Variants in ATP8A2 observed in about 807,000 individuals in gnomAD.
ATP8A2 encodes phospholipid-transporting ATPase IB.
A neutral mutation model predicts 165.6 loss-of-function variants in ATP8A2; 100 were observed. The observed-to-expected ratio is 0.60, with a 90% CI of 0.51 to 0.71. The LOEUF is 0.71. Ranked by LOEUF, ATP8A2 falls within the 30% of genes least tolerant of loss-of-function variation. ATP8A2 has a pLI of 0.00. For synonymous variants in ATP8A2, 543 were observed against 548.8 expected (o/e 0.99, Z 0.15); for missense variants, 1,227 against 1,479.5 (o/e 0.83, Z 2.80).
intron 36 of ATP8A2, among the ~76,000 whole-genome samples, chr13:26,013,767 T>C (rs1024259243): frequency 1.3e-5 from 2 of 152,214 alleles, no homozygotes; most frequent in African/African-American, 4.8e-5. Flanking sequence ...ATCTGTGTTC[T>C]GTTGAGCTCT....
At chr13:25,578,552 C>T (rs1308876308) in intron 20 of ATP8A2, among the ~76,000 whole-genome samples, 2 of 152,166 alleles carry the variant, frequency 1.3e-5, no homozygotes, top group African/African-American at 4.8e-5. Flanking sequence ...CCCATGTATT[C>T]CAATGATTCT....
At chr13:25,402,258 T>C (rs147580388) in intron 1 of ATP8A2, among the ~76,000 whole-genome samples, 79 of 152,286 alleles carry the variant, frequency 5.2e-4, no homozygotes, top group African/African-American at 1.4e-3. Context: ...TGTTTATTTC[T>C]GGAATTTTTC....
rs144652137 is a variant in ATP8A2 at position 25,965,043 on chromosome 13, C to T, written c.3272+3380C>T. Among the ~76,000 whole-genome samples the T allele has an allele frequency of 5.3e-5, 8 of 152,258 alleles. No individual in the cohort carries two copies. The East Asian group carries it at 1.5e-3, about 29-fold the overall frequency. ...GCATGATGGCGAGTGCCTGTAATCC[C>T]AGCTACTCAGGAGGCTGAGGTGGGA... On this transcript the variant is annotated intron_variant, in intron 34 of 36. Transcript: ENST00000381655.
At chr13:25,580,773 G>C (rs2039753716) in intron 22 of ATP8A2, among the ~76,000 whole-genome samples, 1 of 152,130 alleles carries the variant, frequency 6.6e-6, no homozygotes, top group Non-Finnish European at 1.5e-5. Flanking sequence ...GGCTCAAGCA[G>C]TCCTCATGCC....
chr13:25,531,333 T>C (rs1210158750), intron 4 of ATP8A2, among the ~76,000 whole-genome samples: 1 of 139,082 alleles, frequency 7.2e-6, no homozygotes, highest in Non-Finnish European at 1.5e-5. Context: ...ATGATATATA[T>C]ATGTTATATA....
At position 26,020,040 on chromosome 13, in the gene ATP8A2, T is replaced by C; in HGVS notation, c.*55T>C. The C allele has an allele frequency of 7.9e-7, 1 of 1,260,984 alleles. No homozygotes were observed. The highest frequency in any genetic ancestry group is 1.7e-5 in the Admixed American group (1 of 58,212). 78.1% of individuals were successfully genotyped at this position (1,260,984 alleles called of 1,614,324 possible). A position where few individuals can be genotyped will look rare whatever the true frequency, so the allele number is the denominator to read the frequency against. ...AAGAGATTCAGTTTGTTGCACCCAG[T>C]GTTAACACATCTTTGTCAGAGAAGA... On this transcript the variant is annotated 3_prime_UTR_variant, in exon 37 of 37. Coordinates refer to ENST00000381655, the MANE Select transcript of ATP8A2 (RefSeq NM_016529.6).
At chr13:25,708,822 G>A (rs998292719) in intron 25 of ATP8A2, among the ~76,000 whole-genome samples, 1 of 152,070 alleles carries the variant, frequency 6.6e-6, no homozygotes, top group African/African-American at 2.4e-5. Flanking sequence ...TCTTATTTAG[G>A]GTCACAAGTA....
At chr13:26,015,223 C>T (rs1181113256) in intron 36 of ATP8A2, among the ~76,000 whole-genome samples, 1 of 152,142 alleles carries the variant, frequency 6.6e-6, no homozygotes, top group Non-Finnish European at 1.5e-5. Flanking sequence ...AGTACCAGAA[C>T]CTGATGGATA....
intron 15 of ATP8A2, among the ~76,000 whole-genome samples, chr13:25,562,151 T>G (rs2039175715): frequency 6.6e-6 from 1 of 152,212 alleles, no homozygotes; most frequent in South Asian, 2.1e-4. Flanking sequence ...ATGGAATTAC[T>G]GGGTCGTATG....
At chr13:25,885,469 T>C (rs936098936) in intron 33 of ATP8A2, among the ~76,000 whole-genome samples, 3 of 151,982 alleles carry the variant, frequency 2.0e-5, no homozygotes, top group Admixed American at 6.6e-5. Context: ...TCTCCTTCTT[T>C]TGGGGTGGCT....
rs867522173 is a variant in ATP8A2, at chr13:25,525,485, A to G, written c.222-4514A>G. Among the ~76,000 whole-genome samples, 4 of 152,270 alleles carry G rather than the reference A, an allele frequency of 2.6e-5. No individual in the cohort carries two copies. The South Asian group carries it at 8.3e-4, about 32-fold the overall frequency. On this transcript the variant is annotated intron_variant, in intron 2 of 36. Transcript: ENST00000381655. The stretch of plus-strand genomic sequence containing the variant: ...AAGCTCCTTTAGTATTTCTTGTAAG[A>G]TGGATCTGGTGATGGTAAATTTTCT...
intron 33 of ATP8A2, among the ~76,000 whole-genome samples, chr13:25,878,649 A>C (rs1206791135): frequency 6.6e-6 from 1 of 151,912 alleles, no homozygotes; most frequent in Non-Finnish European, 1.5e-5. Context: ...GAATGCCTTA[A>C]TTGTCTGGGA....
intron 21 of ATP8A2, among the ~76,000 whole-genome samples, chr13:25,579,295 G>A (rs1237542558): frequency 6.6e-6 from 1 of 152,230 alleles, no homozygotes; most frequent in Non-Finnish European, 1.5e-5. Flanking sequence ...CAACACTGAT[G>A]TCAGGTGTTC....
intron 35 of ATP8A2, among the ~76,000 whole-genome samples, chr13:25,980,008 A>G (rs1166017925): frequency 6.6e-6 from 1 of 152,254 alleles, no homozygotes; most frequent in East Asian, 1.9e-4. Context: ...ATGAAGATCC[A>G]AAGACCCAGG....
At chr13:25,685,860 G>A (rs1001304624) in intron 24 of ATP8A2, among the ~76,000 whole-genome samples, 10 of 152,164 alleles carry the variant, frequency 6.6e-5, no homozygotes, top group African/African-American at 2.4e-4. Context: ...CTGCTGGGTG[G>A]AGGCCCAGGG....
At chr13:25,932,248 T>C (rs937155945) in intron 33 of ATP8A2, among the ~76,000 whole-genome samples, 3 of 152,056 alleles carry the variant, frequency 2.0e-5, no homozygotes, top group Non-Finnish European at 4.4e-5. Context: ...AAAAGGCCTC[T>C]GGTGTGGTCC....
chr13:25,544,229 TAGAG>T (rs1425932387), intron 10 of ATP8A2, among the ~76,000 whole-genome samples: 2 of 152,134 alleles, frequency 1.3e-5, no homozygotes, highest in Admixed American at 6.5e-5. Context: ...AATGACAAAG[TAGAG>T]AGAGAGATAC....
At chr13:25,738,351 CA>C (rs369396557) in intron 25 of ATP8A2, among the ~76,000 whole-genome samples, 4,123 of 78,698 alleles carry the variant, frequency 0.052, 71 homozygotes, top group South Asian at 0.1. Flanking sequence ...CCCCCCCCCC[CA>C]CACACACTTC....
intron 30 of ATP8A2, among the ~76,000 whole-genome samples, chr13:25,840,368 G>T (rs1951724089): frequency 6.6e-6 from 1 of 152,150 alleles, no homozygotes; most frequent in East Asian, 1.9e-4. Context: ...AAGAACCAAA[G>T]AATATAAAGT....
Sources: gnomAD v4.1 joint callset for allele counts (sites outside exome capture counted in the v4.1 genomes callset) on GRCh38, gnomAD v4.1.1 for gene constraint, MANE v1.5 for transcripts, NCBI Gene and HGNC (gene_info 2026-07-23, HGNC 2026-07-21) for gene names.